The following TEX29 variants were observed in gnomAD, a reference collection of about 807,000 sequenced individuals.
The protein encoded by TEX29 is testis-expressed protein 29.
TEX29 carries 26 observed loss-of-function variants against 18.2 expected under a neutral mutation model. The observed-to-expected ratio is 1.43, with a 90% CI of 1.04 to 1.98. The LOEUF (loss-of-function observed/expected upper bound fraction) is 1.98. Ranked by LOEUF, TEX29 falls within the 30% of genes most tolerant of loss-of-function variation. The probability of loss-of-function intolerance (pLI) is 0.00; values close to 1 mark genes in which losing one functional copy is unlikely to be tolerated. For missense variants in TEX29, 177 were observed against 194.2 expected, an observed-to-expected ratio of 0.91 and a Z score of 0.53; for synonymous variants, 83 against 78.5, an observed-to-expected ratio of 1.06 and a Z score of -0.31.
At chr13:111,327,570 C>T (rs991901625) in intron 2 of TEX29, among the ~76,000 whole-genome samples, 2 of 152,154 alleles carry the variant, frequency 1.3e-5, no homozygotes, top group African/African-American at 4.8e-5. Context: ...GGCCCATGGC[C>T]GATCAAGGCA....
chr13:111,337,772 A>C (rs140202941), intron 3 of TEX29, among the ~76,000 whole-genome samples: 47 of 152,190 alleles, frequency 3.1e-4, no homozygotes, highest in East Asian at 2.3e-3. Context: ...ATGTTTGACA[A>C]GCAGTTTCCC....
At chr13:111,329,896 C>G (rs920234170) in intron 3 of TEX29, among the ~76,000 whole-genome samples, 3 of 152,104 alleles carry the variant, frequency 2.0e-5, no homozygotes, top group Non-Finnish European at 4.4e-5. Context: ...AGCTGGTTCT[C>G]TATGCTTGGT....
chr13:111,338,342 G>A (rs1322726096), intron 3 of TEX29, among the ~76,000 whole-genome samples: 1 of 152,204 alleles, frequency 6.6e-6, no homozygotes, highest in African/African-American at 2.4e-5. Context: ...ACAGCCACGT[G>A]ACAATAGGGG....
upstream of TEX29, among the ~76,000 whole-genome samples, chr13:111,317,820 C>T (rs1469718392): frequency 1.3e-5 from 2 of 152,266 alleles, no homozygotes; most frequent in African/African-American, 2.4e-5. Flanking sequence ...GGCTCGCAGG[C>T]GCCTTGCTCC....
chr13:111,320,107 G>T (rs962442619), upstream of TEX29, among the ~76,000 whole-genome samples: 2 of 152,068 alleles, frequency 1.3e-5, no homozygotes, highest in South Asian at 4.1e-4. Flanking sequence ...ATGCTCCCTC[G>T]TCAGCCCCAG....
chr13:111,324,786 G>T (rs2093670087), intron 2 of TEX29, among the ~76,000 whole-genome samples: 1 of 152,198 alleles, frequency 6.6e-6, no homozygotes. Flanking sequence ...CACCTCTCTA[G>T]GCACCATGCC....
At chr13:111,339,962 T>C (rs370986175) in intron 4 of TEX29, 30 bp downstream of exon 4, 7 of 1,375,454 alleles carry the variant, frequency 5.1e-6, no homozygotes, top group African/African-American at 3.8e-5. Context: ...ACTGGGAGGG[T>C]GGGGAGGAGG....
chr13:111,330,497 A>T (rs550618420), intron 3 of TEX29, among the ~76,000 whole-genome samples: 1 of 152,234 alleles, frequency 6.6e-6, no homozygotes, highest in East Asian at 1.9e-4. Flanking sequence ...CTCCACTTCC[A>T]GGAGCCTCTG....
rs116394408 is a variant in TEX29, at chr13:111,332,598, T to G, written c.169+4305T>G. On this transcript the variant is annotated intron_variant, in intron 3 of 5. Transcript: ENST00000283547. ...AACTAGGAAGAGCAGAAGCTTTGTC[T>G]TGTTCCTGATCTTAAGAAGAAACTT... Among the ~76,000 whole-genome samples the G allele has an allele frequency of 2.3e-3, 356 of 152,330 alleles. 2 individuals carry two copies. The highest frequency in any genetic ancestry group is 8.2e-3 in the African/African-American group (340 of 41,594).
chr13:111,317,993 C>T (rs1364111605), upstream of TEX29, among the ~76,000 whole-genome samples: 1 of 152,188 alleles, frequency 6.6e-6, no homozygotes, highest in Non-Finnish European at 1.5e-5. Context: ...GGCAAAGACC[C>T]TATTTCCAAA....
At chr13:111,330,508 G>T (rs1042812988) in intron 3 of TEX29, among the ~76,000 whole-genome samples, 2 of 152,174 alleles carry the variant, frequency 1.3e-5, no homozygotes, top group Non-Finnish European at 2.9e-5. Context: ...GGAGCCTCTG[G>T]GATTCCCAGG....
chr13:111,318,168 T>C (rs1447039084), upstream of TEX29, among the ~76,000 whole-genome samples: 1 of 152,112 alleles, frequency 6.6e-6, no homozygotes, highest in Non-Finnish European at 1.5e-5. Context: ...GGGAGTCAGG[T>C]CTGAGTGCTT....
chr13:111,320,988 G>GGGGGGGGCC, intron 2 of TEX29, 40 bp downstream of exon 2: 1 of 431,438 alleles, frequency 2.3e-6, no homozygotes, highest in Non-Finnish European at 4.3e-6. Flanking sequence ...TGGGGTGGGG[G>GGGGGGGGCC]AGCAGTTGGG....
At chr13:111,320,486 T>C (rs989916216), upstream of TEX29, among the ~76,000 whole-genome samples, 1 of 152,158 alleles carries the variant, frequency 6.6e-6, no homozygotes, top group Non-Finnish European at 1.5e-5. Context: ...CCTCCCTACA[T>C]CTGTTCATCT....
At chr13:111,342,148 C>T (rs1002086206) in intron 4 of TEX29, among the ~76,000 whole-genome samples, 1 of 152,240 alleles carries the variant, frequency 6.6e-6, no homozygotes, top group African/African-American at 2.4e-5. Context: ...GCATCTCACT[C>T]CCCGGCCACC....
At chr13:111,330,044 A>G (rs2093680353) in intron 3 of TEX29, among the ~76,000 whole-genome samples, 1 of 138,598 alleles carries the variant, frequency 7.2e-6, no homozygotes, top group South Asian at 2.1e-4. Context: ...AGTACATTTC[A>G]AGGCTATATT....
At chr13:111,318,644 A>G (rs2093658617), upstream of TEX29, among the ~76,000 whole-genome samples, 1 of 152,160 alleles carries the variant, frequency 6.6e-6, no homozygotes, top group African/African-American at 2.4e-5. Context: ...CCGGAAGCTC[A>G]TTGATGACGT....
chr13:111,318,365 G>C (rs965207766), upstream of TEX29, among the ~76,000 whole-genome samples: 3 of 152,190 alleles, frequency 2.0e-5, no homozygotes, highest in Non-Finnish European at 4.4e-5. Context: ...AATTGTGTCT[G>C]TCAGTGTAGT....
intron 3 of TEX29, among the ~76,000 whole-genome samples, chr13:111,333,955 A>G (rs921240921): frequency 6.6e-6 from 1 of 152,240 alleles, no homozygotes; most frequent in Non-Finnish European, 1.5e-5. Context: ...GCCAAATCAT[A>G]TCAATAAAAT....
Sources: gnomAD v4.1 joint callset for allele counts (sites outside exome capture counted in the v4.1 genomes callset) on GRCh38, gnomAD v4.1.1 for gene constraint, MANE v1.5 for transcripts, NCBI Gene and HGNC (gene_info 2026-07-23, HGNC 2026-07-21) for gene names.